KDM5A: variants seen among roughly 807,000 people sequenced by gnomAD.
The protein encoded by KDM5A is lysine-specific demethylase 5A.
A neutral mutation model predicts 193.5 loss-of-function variants in KDM5A; 42 were observed. The ratio of observed to expected loss-of-function variants is 0.22; its 90% CI spans 0.17 to 0.28. The LOEUF is 0.28. Among genes scored for constraint, KDM5A ranks in the 10% least tolerant of loss-of-function variants. The pLI is 1.00. For synonymous variants in KDM5A, 796 were observed against 718.1 expected, an observed-to-expected ratio of 1.11 and a Z score of -1.73; for missense variants, 1,692 against 2,055.1, an observed-to-expected ratio of 0.82 and a Z score of 3.42.
intron 4 of KDM5A, among the ~76,000 whole-genome samples, chr12:365,661 T>C (rs1454920135): frequency 6.6e-6 from 1 of 152,230 alleles, no homozygotes; most frequent in Non-Finnish European, 1.5e-5. Flanking sequence ...TCATAACTAA[T>C]AAAGCTGTTT....
At chr12:374,542 G>A (rs1182916699) in intron 3 of KDM5A, among the ~76,000 whole-genome samples, 2 of 152,180 alleles carry the variant, frequency 1.3e-5, no homozygotes, top group African/African-American at 4.8e-5. Context: ...GCCAGTCTGT[G>A]TCTTTTAACT....
chr12:290,353 A>G (rs1943277395), intron 27 of KDM5A, among the ~76,000 whole-genome samples: 1 of 152,226 alleles, frequency 6.6e-6, no homozygotes, highest in African/African-American at 2.4e-5. Flanking sequence ...GCTTAAAACG[A>G]AACACGTTAT....
chr12:333,157 A>C (rs1033402294), intron 12 of KDM5A: 2 of 354,974 alleles, frequency 5.6e-6, no homozygotes. Context: ...AGTGGCTCAC[A>C]CCTGTAATCC....
At position 307,777 on chromosome 12, in the gene KDM5A, A is replaced by G. The variant is rs1943528858; in HGVS notation, c.3607T>C (p.Trp1203Arg). ...AGGAATTTTACTTCTTTAGCTTGCC[A>G]GCTGGATCCTTTTTTTTGGGAACTT... ...KSSSQKKGSS[W>R]QAKEVKFLCP... The change falls in exon 23 of 28, where the codon TGG becomes CGG. Residue 1203 changes from tryptophan to arginine, a missense_variant. Around this residue, in one of 11 missense-constraint regions of KDM5A, gnomAD observed 965 missense variants for 1,061.0 expected, o/e 0.91. Coordinates refer to ENST00000399788, the MANE Select transcript of KDM5A (RefSeq NM_001042603.3). The surrounding 1 kb of genome is among the most constrained non-coding windows in gnomAD (Gnocchi z 4.3). 3.1e-6 allele frequency: 5 copies of G among 1,614,226 alleles called. No individual in the cohort carries two copies. Among genetic ancestry groups the G allele is most frequent in the Non-Finnish European group, 4.2e-6 (5 of 1,180,038 alleles).
At chr12:348,443 T>C (rs1425042995) in intron 10 of KDM5A, among the ~76,000 whole-genome samples, 3 of 152,198 alleles carry the variant, frequency 2.0e-5, no homozygotes, top group Admixed American at 1.3e-4. Context: ...ATCATGCTAC[T>C]GTAAAGACAC....
intron 3 of KDM5A, among the ~76,000 whole-genome samples, chr12:374,560 T>C (rs1323276068): frequency 6.6e-6 from 1 of 152,224 alleles, no homozygotes; most frequent in Non-Finnish European, 1.5e-5. Flanking sequence ...ACTGGAGCAT[T>C]TAGCCCATTT....
chr12:334,490 G>A (rs893566011), intron 10 of KDM5A, 68 bp from the exon 11 acceptor site: 1 of 1,368,932 alleles, frequency 7.3e-7, no homozygotes, highest in Non-Finnish European at 1.0e-6. Flanking sequence ...AATGCCAAGG[G>A]AGTCTTCCCA....
chr12:358,442 T>C (rs1006238075), intron 5 of KDM5A, among the ~76,000 whole-genome samples: 3 of 152,188 alleles, frequency 2.0e-5, no homozygotes, highest in East Asian at 1.9e-4. Flanking sequence ...ACAATAAATA[T>C]AACACTACAC....
chr12:364,382 T>C (rs1944326460), intron 4 of KDM5A, among the ~76,000 whole-genome samples: 1 of 150,560 alleles, frequency 6.6e-6, no homozygotes, highest in Non-Finnish European at 1.5e-5. Context: ...GAGGCTGAGG[T>C]AGGAGAATCA....
chr12:374,384 C>T (rs1944472523), intron 3 of KDM5A, among the ~76,000 whole-genome samples: 1 of 152,142 alleles, frequency 6.6e-6, no homozygotes, highest in African/African-American at 2.4e-5. Context: ...TTATCAGAGA[C>T]TAGGATTGCA....
Position 284,187 on chromosome 12 carries a change from A to C in KDM5A, c.*1269T>G. Reference sequence around the variant, plus strand: ...GCCCCCAAATGGATTTTTGATGTTGAAACTCTGTCATATGCTGCTGGTAAC... The same window carrying C: ...GCCCCCAAATGGATTTTTGATGTTGCAACTCTGTCATATGCTGCTGGTAAC... On this transcript the variant is annotated 3_prime_UTR_variant, in exon 28 of 28. Transcript: ENST00000399788. 1 of 228,816 alleles carries C rather than the reference A, an allele frequency of 4.4e-6. No homozygotes were observed. Among genetic ancestry groups the C allele is most frequent in the Non-Finnish European group, 8.7e-6 (1 of 115,208 alleles). The allele number at this position is 228,816 out of a possible 1,614,324, so 14.2% of individuals were successfully genotyped here.
At chr12:302,853 G>A (rs558760856) in intron 24 of KDM5A, among the ~76,000 whole-genome samples, 12 of 152,218 alleles carry the variant, frequency 7.9e-5, no homozygotes, top group Admixed American at 4.6e-4. Flanking sequence ...AAAAGTAGGC[G>A]AAGAATATGA....
In KDM5A at chr12:297,060, A is replaced by G; in HGVS notation, c.4215T>C (p.Ala1405=). The G allele has an allele frequency of 6.2e-7, 1 of 1,614,022 alleles. No individual in the cohort carries two copies. Among genetic ancestry groups the G allele is most frequent in the Non-Finnish European group, 8.5e-7 (1 of 1,179,982 alleles). The change falls in exon 25 of 28, where the codon GCT becomes GCC. Residue 1405 remains alanine (A), a synonymous_variant. Transcript: ENST00000399788. Reference sequence around the variant, plus strand: ...TAATACCTTGAGAACAACTCTTAGAAGCAGAAGAATAAGCATGCTCTGCAC... The same window carrying G: ...TAATACCTTGAGAACAACTCTTAGAGGCAGAAGAATAAGCATGCTCTGCAC... ...SFCAEHAYSS[A]SKSCSQGSST...
chr12:348,461 C>T (rs1288503731), intron 10 of KDM5A, among the ~76,000 whole-genome samples: 1 of 152,132 alleles, frequency 6.6e-6, no homozygotes, highest in South Asian at 2.1e-4. Flanking sequence ...CACGTTCACA[C>T]GTATGTTTAT....
At chr12:291,267 T>C (rs781511773) in intron 27 of KDM5A, among the ~76,000 whole-genome samples, 1 of 152,184 alleles carries the variant, frequency 6.6e-6, no homozygotes, top group Non-Finnish European at 1.5e-5. Flanking sequence ...GATTAGACTA[T>C]AGGATATATA....
intron 27 of KDM5A, among the ~76,000 whole-genome samples, chr12:286,477 T>C (rs1943220924): frequency 6.6e-6 from 1 of 152,246 alleles, no homozygotes; most frequent in African/African-American, 2.4e-5. Context: ...CTGATTGTGG[T>C]AGTTTTTACA....
chr12:296,791 G>A (rs1393634597), intron 25 of KDM5A, among the ~76,000 whole-genome samples: 2 of 152,182 alleles, frequency 1.3e-5, no homozygotes, highest in Non-Finnish European at 2.9e-5. Context: ...CTGAGGCATG[G>A]GACTAGATGG....
At chr12:342,183 T>C (rs1453464362) in intron 10 of KDM5A, among the ~76,000 whole-genome samples, 3 of 152,220 alleles carry the variant, frequency 2.0e-5, no homozygotes, top group Non-Finnish European at 2.9e-5. Context: ...ACAGGGGCTA[T>C]ACTTTTATTT....
chr12:310,060 TC>T, intron 21 of KDM5A, 96 bp from the exon 22 acceptor site: 1 of 1,284,362 alleles, frequency 7.8e-7, no homozygotes, highest in Non-Finnish European at 1.1e-6. Context: ...TTCAACCATG[TC>T]CCACGCACTT....
Sources: gnomAD v4.1 joint callset for allele counts (sites outside exome capture counted in the v4.1 genomes callset) on GRCh38, gnomAD v4.1.1 for gene constraint, gnomAD v4.1.1 regional missense constraint, Gnocchi (gnomAD v3.1) non-coding constraint, MANE v1.5 for transcripts, NCBI Gene and HGNC (gene_info 2026-07-23, HGNC 2026-07-21) for gene names.